TASOR2: variants seen among roughly 807,000 people sequenced by gnomAD.
TASOR2 encodes the protein protein TASOR 2.
A neutral mutation model predicts 199.5 loss-of-function variants in TASOR2; 84 were observed. The observed-to-expected ratio is 0.42, with a 90% confidence interval of 0.35 to 0.50. The LOEUF (loss-of-function observed/expected upper bound fraction) is 0.50. Ranked by LOEUF, TASOR2 falls within the 20% of genes least tolerant of loss-of-function variation. TASOR2 has a pLI of 0.02. For missense variants in TASOR2, 2,796 were observed against 2,835.9 expected (o/e 0.99, Z 0.32); for synonymous variants, 1,103 against 1,046.6 (o/e 1.05, Z -1.04).
exon 7 of TASOR2, chr10:5,723,713 G>A (rs1332387750): frequency 4.4e-6 from 7 of 1,600,728 alleles, no homozygotes; most frequent in Non-Finnish European, 6.0e-6. Context: ...TAATGAAAGT[G>A]TCTTCCTTGA....
At chr10:5,686,605 A>G (rs1258555847) in intron 1 of TASOR2, among the ~76,000 whole-genome samples, 1 of 152,218 alleles carries the variant, frequency 6.6e-6, no homozygotes, top group Non-Finnish European at 1.5e-5. Flanking sequence ...TTGCCCTGAA[A>G]TGATTGTACC....
intron 1 of TASOR2, among the ~76,000 whole-genome samples, chr10:5,707,464 C>T (rs1367311552): frequency 1.3e-5 from 2 of 152,102 alleles, no homozygotes; most frequent in Non-Finnish European, 2.9e-5. Flanking sequence ...GGCAACACAT[C>T]TTCAGACAAG....
chr10:5,734,565 C>G (rs891338814), intron 11 of TASOR2, among the ~76,000 whole-genome samples: 1 of 152,124 alleles, frequency 6.6e-6, no homozygotes, highest in Non-Finnish European at 1.5e-5. Flanking sequence ...GCTGTCTATA[C>G]AACTCTTCTC....
At chr10:5,760,193 A>C (rs1050437871) in intron 18 of TASOR2, among the ~76,000 whole-genome samples, 1 of 152,218 alleles carries the variant, frequency 6.6e-6, no homozygotes, top group Admixed American at 6.5e-5. Context: ...GGCAGATTTA[A>C]TGCAATGGTG....
At chr10:5,708,055 A>G (rs943805198) in intron 1 of TASOR2, among the ~76,000 whole-genome samples, 5 of 152,130 alleles carry the variant, frequency 3.3e-5, no homozygotes, top group Non-Finnish European at 7.4e-5. Flanking sequence ...TTCTACCTCC[A>G]GTTCTTTTTG....
rs56033057 is a variant in TASOR2 at position 5,751,572 on chromosome 10, C to T, written c.6606+1545C>T. Among the ~76,000 whole-genome samples, 26,409 of 152,188 alleles carry T rather than the reference C, an allele frequency of 0.17. 2,597 individuals are homozygous for T. The highest frequency in any genetic ancestry group is 0.23 in the Admixed American group (3,573 of 15,292). ...TGGCTTCTGTGTCCTTTTGACAATTCGCCATAATTCTTCGGGCACTTCTTT... is the reference window on the plus strand; with the variant it reads ...TGGCTTCTGTGTCCTTTTGACAATTTGCCATAATTCTTCGGGCACTTCTTT... On this transcript the variant is annotated intron_variant, in intron 15 of 20. Coordinates refer to ENST00000328090, the Ensembl canonical transcript of TASOR2. This position sits in a 1 kb window ranked among gnomAD's most constrained non-coding sequence, Gnocchi z 5.3.
intron 11 of TASOR2, among the ~76,000 whole-genome samples, chr10:5,734,079 T>C (rs1038563818): frequency 2.6e-5 from 4 of 152,226 alleles, no homozygotes; most frequent in Admixed American, 1.3e-4. Context: ...TTAGTGTCCT[T>C]AGTGAGAAGT....
chr10:5,702,647 TTTTTTTTTTTTTTTG>T (rs2131523725), intron 1 of TASOR2, among the ~76,000 whole-genome samples: 1 of 140,828 alleles, frequency 7.1e-6, no homozygotes, highest in African/African-American at 2.8e-5. Context: ...TTTTTTTTTT[TTTTTTTTTTTTTTTG>T]GTAAGTAAGG....
chr10:5,759,081 C>G lies in TASOR2; in HGVS notation c.6992+89C>G, dbSNP rs1839397933. ...TTCCATGGGCTCTAGCCTAGTGCTGCAGTGGAATGGCCTTCATCAGTAAAG... is the reference window on the plus strand; with the variant it reads ...TTCCATGGGCTCTAGCCTAGTGCTGGAGTGGAATGGCCTTCATCAGTAAAG... On this transcript the variant is annotated intron_variant, in intron 18 of 20. Coordinates refer to ENST00000328090, the Ensembl canonical transcript of TASOR2. 4.6e-6 allele frequency: 4 copies of G among 865,754 alleles called. No homozygotes were observed. The African/African-American group carries it at 6.8e-5, about 15-fold the overall frequency. The allele number at this position is 865,754 out of a possible 1,614,324, so 53.6% of individuals were successfully genotyped here.
At chr10:5,759,703 T>C (rs894660717) in intron 18 of TASOR2, among the ~76,000 whole-genome samples, 2 of 152,240 alleles carry the variant, frequency 1.3e-5, no homozygotes, top group Non-Finnish European at 2.9e-5. Context: ...TAGTAAGTTA[T>C]GAAGCTGGGT....
intron 8 of TASOR2, among the ~76,000 whole-genome samples, chr10:5,724,742 T>C (rs911676653): frequency 2.7e-5 from 4 of 150,694 alleles, no homozygotes; most frequent in African/African-American, 4.9e-5. Flanking sequence ...ATTTATATAT[T>C]ATTAATGTAA....
rs1838157892 is a variant in TASOR2 at position 5,752,235 on chromosome 10, AAC to A, written c.6606+2211_6606+2212del. Among the ~76,000 whole-genome samples the A allele has an allele frequency of 6.6e-6, 1 of 152,182 alleles. No individual in the cohort carries two copies. The highest frequency in any genetic ancestry group is 1.5e-5 in the Non-Finnish European group (1 of 68,038). ...TCTTATAGTCTAATGGGACAAGGAA[AAC>A]ACTGATTAAAAGAGTCACACAAATA... is the stretch of plus-strand genomic sequence containing the variant. On this transcript the variant is annotated intron_variant, in intron 15 of 20. Coordinates refer to ENST00000328090, the Ensembl canonical transcript of TASOR2. This position sits in a 1 kb window ranked among gnomAD's most constrained non-coding sequence, Gnocchi z 4.4.
chr10:5,709,110 C>A (rs187005475), intron 1 of TASOR2, among the ~76,000 whole-genome samples: 1 of 152,104 alleles, frequency 6.6e-6, no homozygotes, highest in Non-Finnish European at 1.5e-5. Flanking sequence ...TAATAGTCAC[C>A]ACTAATAGTT....
intron 14 of TASOR2, chr10:5,743,821 T>C (rs934477497): frequency 1.3e-5 from 2 of 152,258 alleles, no homozygotes; most frequent in African/African-American, 2.4e-5. Flanking sequence ...CAGTGATTCC[T>C]AACAATCTCC....
At chr10:5,749,238 A>G in exon 15 of TASOR2, 1 of 1,614,166 alleles carries the variant, frequency 6.2e-7, no homozygotes, top group African/African-American at 1.3e-5. Context: ...ATACCATGAG[A>G]ACTTCACACG....
exon 15 of TASOR2, chr10:5,749,368 G>A (rs1837687786): frequency 6.2e-7 from 1 of 1,614,086 alleles, no homozygotes; most frequent in East Asian, 2.2e-5. Context: ...TCTGCGTTTT[G>A]CACATAAACT....
chr10:5,691,017 C>A (rs1002165429), intron 1 of TASOR2, among the ~76,000 whole-genome samples: 2 of 151,910 alleles, frequency 1.3e-5, no homozygotes, highest in South Asian at 2.1e-4. Flanking sequence ...ATGGTGAAAC[C>A]CTGTCACTAC....
intron 3 of TASOR2, 146 bp downstream of exon 4, chr10:5,717,896 C>A (rs1832852635): frequency 5.2e-6 from 2 of 384,674 alleles, no homozygotes; most frequent in East Asian, 7.5e-5. Context: ...TTTTCCTTTT[C>A]TTTAAAAAGA....
intron 6 of TASOR2, among the ~76,000 whole-genome samples, chr10:5,721,240 G>T (rs1284702585): frequency 6.6e-6 from 1 of 152,218 alleles, no homozygotes; most frequent in East Asian, 1.9e-4. Flanking sequence ...AATCAGATTT[G>T]CCTGATAGCA....
Sources: allele counts gnomAD v4.1 joint callset (sites outside exome capture counted in the v4.1 genomes callset), GRCh38; gene constraint gnomAD v4.1.1; non-coding constraint Gnocchi (gnomAD v3.1); transcripts MANE v1.5; gene names NCBI Gene and HGNC (gene_info 2026-07-23, HGNC 2026-07-21).